Variants in ZNF365 observed in about 807,000 individuals in gnomAD.
The protein encoded by ZNF365 is protein ZNF365.
A neutral mutation model predicts 35.0 loss-of-function variants in ZNF365; 22 were observed. That is an observed-to-expected ratio of 0.63 (90% CI 0.45 to 0.90). The LOEUF (loss-of-function observed/expected upper bound fraction) is 0.90. ZNF365 is among the 40% of genes least tolerant of loss of function. The probability of loss-of-function intolerance (pLI) is 0.00; values close to 1 mark genes in which losing one functional copy is unlikely to be tolerated. For synonymous variants in ZNF365, 188 were observed against 196.2 expected (o/e 0.96, Z 0.35); for missense variants, 448 against 500.3 (o/e 0.90, Z 1.00).
At chr10:62,406,849 G>A (rs1839912105), downstream of ZNF365, among the ~76,000 whole-genome samples, 1 of 152,152 alleles carries the variant, frequency 6.6e-6, no homozygotes, top group Non-Finnish European at 1.5e-5. Context: ...CTGTAGTGTT[G>A]TATCCCATTG....
chr10:62,429,090 T>C lies in ZNF365; in HGVS notation c.925-30651T>C, dbSNP rs185591663. Reference sequence around the variant, plus strand: ...CCTTTGGCCTCTATCTCCAACTAGATAAGCCAATGTGTGCCAACGTTAGTT... The same window carrying C: ...CCTTTGGCCTCTATCTCCAACTAGACAAGCCAATGTGTGCCAACGTTAGTT... On this transcript the variant is annotated intron_variant, in intron 3 of 4. Transcript: ENST00000395255. Among the ~76,000 whole-genome samples, 22 of 152,302 alleles carry C rather than the reference T, an allele frequency of 1.4e-4. No individual in the cohort carries two copies. In the East Asian group the frequency reaches 4.2e-3, roughly 29 times the overall value.
rs908145932 is a variant in ZNF365, at chr10:62,477,874, A to T, written c.982-2002A>T. Among the ~76,000 whole-genome samples the T allele has an allele frequency of 2.0e-5, 3 of 152,214 alleles. No individual in the cohort carries two copies. The South Asian group carries it at 6.2e-4, about 31-fold the overall frequency. On this transcript the variant is annotated intron_variant, in intron 4 of 4. Coordinates refer to the ZNF365 transcript ENST00000395255. ...CGTCACATGGCTACTCTTGAATTCA[A>T]TGTGGGGTGGTGTTTATAATCTTAC...
At chr10:62,471,460 G>C (rs1176966941) in intron 4 of ZNF365, among the ~76,000 whole-genome samples, 2 of 151,230 alleles carry the variant, frequency 1.3e-5, no homozygotes, top group African/African-American at 2.4e-5. Flanking sequence ...TCAATCTATT[G>C]AAAACAAAAA....
chr10:62,386,693 A>G (rs190963948), intron 2 of ZNF365, among the ~76,000 whole-genome samples: 39 of 152,360 alleles, frequency 2.6e-4, no homozygotes, highest in Admixed American at 2.3e-3. Context: ...CTATTAGTAC[A>G]GAAGAAAAGA....
rs186065715 is a variant in ZNF365, at chr10:62,466,541, A to G, written c.981+6744A>G. On this transcript the variant is annotated intron_variant, in intron 4 of 4. Transcript: ENST00000395255. ...GAGACAAGCCCAGCAGGAGTAAGCAAAACCCAAGCAGAGGCACTGCTGGCC... is the reference window on the plus strand; with the variant it reads ...GAGACAAGCCCAGCAGGAGTAAGCAGAACCCAAGCAGAGGCACTGCTGGCC... 2.6e-5 allele frequency among the ~76,000 whole-genome samples: 4 copies of G among 152,240 alleles called. No individual in the cohort carries two copies. In the East Asian group the frequency reaches 7.7e-4, roughly 29 times the overall value.
intron 3 of ZNF365, among the ~76,000 whole-genome samples, chr10:62,420,506 A>G (rs1219224985): frequency 6.6e-6 from 1 of 152,222 alleles, no homozygotes; most frequent in Non-Finnish European, 1.5e-5. Context: ...CTCAGAAATG[A>G]TTCACATATT....
Position 62,400,507 on chromosome 10 carries a change from A to G in ZNF365, c.*718A>G, listed in dbSNP as rs1367860505. The G allele has an allele frequency of 5.1e-6, 5 of 985,840 alleles. No individual in the cohort carries two copies. In the African/African-American group the frequency reaches 5.2e-5, roughly 10 times the overall value. The allele number at this position is 985,840 out of a possible 1,614,324, so 61.1% of individuals were successfully genotyped here. A position where few individuals can be genotyped will look rare whatever the true frequency, so the allele number is the denominator to read the frequency against. On this transcript the variant is annotated 3_prime_UTR_variant, in exon 5 of 5. Coordinates refer to ENST00000395254, the MANE Select transcript of ZNF365 (RefSeq NM_014951.3). Reference sequence around the variant, plus strand: ...GCTGAGTATTCTGCACCCACAGACCATGCTGCCAGCCTCTATCTTAATAGC... The same window carrying G: ...GCTGAGTATTCTGCACCCACAGACCGTGCTGCCAGCCTCTATCTTAATAGC...
intron 3 of ZNF365, among the ~76,000 whole-genome samples, chr10:62,418,218 T>C (rs1840110781): frequency 6.6e-6 from 1 of 152,000 alleles, no homozygotes; most frequent in Non-Finnish European, 1.5e-5. Flanking sequence ...TCAATATTTC[T>C]TTTTTTGACA....
chr10:62,426,012 A>G (rs1840245908), intron 3 of ZNF365, among the ~76,000 whole-genome samples: 1 of 152,122 alleles, frequency 6.6e-6, no homozygotes. Context: ...TGATTGACAA[A>G]CTTGTCAATA....
Position 62,376,991 on chromosome 10 carries a change from C to T in ZNF365, c.743+55C>T, listed in dbSNP as rs890255421. ...CCATTGCTTTAAGCAGCACCCCAAT[C>T]GCCTTACAAGCAAATGCTAAGCAAG... is the stretch of plus-strand genomic sequence containing the variant. On this transcript the variant is annotated intron_variant, in intron 2 of 4. Coordinates refer to ENST00000395254, the MANE Select transcript of ZNF365 (RefSeq NM_014951.3). 4.5e-6 allele frequency: 7 copies of T among 1,546,912 alleles called. No individual in the cohort carries two copies. The African/African-American group carries it at 5.5e-5, about 12-fold the overall frequency.
intron 2 of ZNF365, among the ~76,000 whole-genome samples, chr10:62,378,966 T>C (rs1462035393): frequency 6.6e-6 from 1 of 152,146 alleles, no homozygotes; most frequent in East Asian, 1.9e-4. Flanking sequence ...TTGGTTATTA[T>C]CCTTGTACAT....
intron 4 of ZNF365, among the ~76,000 whole-genome samples, chr10:62,478,135 A>T (rs1343690437): frequency 6.6e-6 from 1 of 152,198 alleles, no homozygotes; most frequent in Admixed American, 6.5e-5. Context: ...CAGTCTCTGT[A>T]TCAGGTATGG....
chr10:62,385,753 G>A (rs1232897098), intron 2 of ZNF365, among the ~76,000 whole-genome samples: 1 of 152,122 alleles, frequency 6.6e-6, no homozygotes, highest in African/African-American at 2.4e-5. Flanking sequence ...GTTGAGTGCT[G>A]GACTTAGAAC....
chr10:62,454,541 A>G (rs1038847491), intron 3 of ZNF365, among the ~76,000 whole-genome samples: 9 of 152,194 alleles, frequency 5.9e-5, no homozygotes, highest in African/African-American at 2.2e-4. Flanking sequence ...GAGTGCCATG[A>G]ACCAAGAAAG....
chr10:62,479,382 A>T (rs1044308343), intron 4 of ZNF365, among the ~76,000 whole-genome samples: 2 of 152,242 alleles, frequency 1.3e-5, no homozygotes, highest in Non-Finnish European at 2.9e-5. Context: ...GAGCACTAAA[A>T]ACACTAACCA....
chr10:62,475,220 A>T (rs1841109261), intron 4 of ZNF365, among the ~76,000 whole-genome samples: 1 of 152,174 alleles, frequency 6.6e-6, no homozygotes, highest in Non-Finnish European at 1.5e-5. Context: ...ATCAAATGGG[A>T]CTGGGGAACA....
intron 3 of ZNF365, among the ~76,000 whole-genome samples, chr10:62,418,209 C>T (rs1255830684): frequency 6.6e-6 from 1 of 151,876 alleles, no homozygotes; most frequent in Non-Finnish European, 1.5e-5. Context: ...CAACCCTGGT[C>T]AATATTTCTT....
At chr10:62,434,539 A>G (rs1840379440) in intron 3 of ZNF365, among the ~76,000 whole-genome samples, 1 of 152,196 alleles carries the variant, frequency 6.6e-6, no homozygotes, top group Admixed American at 6.5e-5. Flanking sequence ...GCATATTAAT[A>G]TAATTAGATG....
intron 3 of ZNF365, among the ~76,000 whole-genome samples, chr10:62,451,470 G>C (rs1205720638): frequency 5.3e-5 from 8 of 152,114 alleles, no homozygotes; most frequent in Non-Finnish European, 8.8e-5. Context: ...GTTAGGGCTG[G>C]TGGTAGCAAA....
Sources: gnomAD v4.1 joint callset for allele counts (sites outside exome capture counted in the v4.1 genomes callset) on GRCh38, gnomAD v4.1.1 for gene constraint, MANE v1.5 for transcripts, NCBI Gene and HGNC (gene_info 2026-07-23, HGNC 2026-07-21) for gene names.